The following CARD9 variants were observed in gnomAD, a reference collection of about 807,000 sequenced individuals.
CARD9 encodes the protein caspase recruitment domain family member 9.
Under a neutral mutation model 66.0 loss-of-function variants are expected in CARD9, and 53 were observed. That is an observed-to-expected ratio of 0.80 (90% confidence interval 0.64 to 1.01). The LOEUF (loss-of-function observed/expected upper bound fraction) is 1.01. CARD9 is among the 50% of genes least tolerant of loss of function. The pLI is 0.00. For missense variants in CARD9, 769 were observed against 743.2 expected, an observed-to-expected ratio of 1.03 and a Z score of -0.40; for synonymous variants, 387 against 313.8, an observed-to-expected ratio of 1.23 and a Z score of -2.47.
intron 11 of CARD9, 93 bp downstream of exon 11, chr9:136,365,048 C>A (rs1833086970): frequency 7.7e-7 from 1 of 1,303,172 alleles, no homozygotes. Context: ...TCGGGGCCAC[C>A]GCAGGGGGTG....
In CARD9 at chr9:136,369,783, C is replaced by A. The variant is rs1414081762; in HGVS notation, c.1044G>T (p.Leu348=). 11 of 1,610,598 alleles carry A rather than the reference C, an allele frequency of 6.8e-6. No individual in the cohort carries two copies. The highest frequency in any genetic ancestry group is 7.6e-6 in the Non-Finnish European group (9 of 1,179,180). ...MYKDRIEAIL[L]QMEEVAIERD... ...GCTCAATGGCGACCTCCTCCATCTG[C>A]AGCAGGATGGCCTCGATGCGGTCCT... Residue 348 remains leucine, a synonymous_variant, in exon 7 of 13, where the codon CTG becomes CTT. Coordinates refer to ENST00000371732, the MANE Select transcript of CARD9 (RefSeq NM_052813.5).
At chr9:136,365,550 C>G (rs1019994654) in intron 10 of CARD9, 1 of 408,032 alleles carries the variant, frequency 2.5e-6, no homozygotes, top group Non-Finnish European at 4.5e-6. Context: ...AGCACCGTCC[C>G]CCATCACTCC....
chr9:136,366,040 T>A (rs1025872550), intron 10 of CARD9: 1 of 152,622 alleles, frequency 6.6e-6, no homozygotes, highest in African/African-American at 2.4e-5. Flanking sequence ...CCCTTCCGCC[T>A]CTGCTTGGAG....
In CARD9 at chr9:136,364,465, TG is replaced by T; in HGVS notation, c.1511+17del. On this transcript the variant is annotated intron_variant, in intron 12 of 12. Transcript: ENST00000371732. ...CTCCCCAGCCCGTTTTGGAGAAGCC[TG>T]GGGGCCGCCCGCCTACCTGCGGTAG... The T allele has an allele frequency of 6.5e-7, 1 of 1,540,448 alleles. No homozygotes were observed. Among genetic ancestry groups the T allele is most frequent in the Non-Finnish European group, 8.7e-7 (1 of 1,146,866 alleles).
intron 5 of CARD9, 24 bp downstream of exon 5, chr9:136,370,498 C>T: frequency 2.5e-6 from 4 of 1,602,426 alleles, no homozygotes; most frequent in African/African-American, 2.7e-5. Flanking sequence ...GCCTGGGCTG[C>T]ACCTGCCCTG....
Position 136,364,079 on chromosome 9 carries a change from A to G in CARD9, c.*223T>C, listed in dbSNP as rs913773548. On this transcript the variant is annotated 3_prime_UTR_variant, in exon 13 of 13. Transcript: ENST00000371732. The stretch of plus-strand genomic sequence containing the variant: ...CTGAAGTTACACAGATGGCGTGTGC[A>G]TGGGGGTGGTGAGCACCCGCATGGC... The G allele has an allele frequency of 1.3e-6, 2 of 1,549,780 alleles. No individual in the cohort carries two copies. The highest frequency in any genetic ancestry group is 1.2e-5 in the South Asian group (1 of 84,050).
chr9:136,373,403 C>T lies in CARD9; in HGVS notation c.-17+129G>A, dbSNP rs182831845. ...CCAGGGGCCGTGAAAGGGACGGGGC[C>T]GCATGGCGGAGGCTGCCTGGCTGCC... is the stretch of plus-strand genomic sequence containing the variant. On this transcript the variant is annotated intron_variant, in intron 1 of 12. Transcript: ENST00000371732. 8.6e-5 allele frequency: 59 copies of T among 685,892 alleles called. No individual in the cohort carries two copies. In the African/African-American group the frequency reaches 9.8e-4, roughly 11 times the overall value. 42.5% of individuals were successfully genotyped at this position (685,892 alleles called of 1,614,324 possible).
rs1366525983 is a variant in CARD9, at chr9:136,371,310, C to G, written c.322+14G>C. 6.3e-7 allele frequency: 1 copy of G among 1,598,586 alleles called. No individual in the cohort carries two copies. The highest frequency in any genetic ancestry group is 1.7e-5 in the Admixed American group (1 of 58,150). On this transcript the variant is annotated intron_variant, in intron 3 of 12. Coordinates refer to ENST00000371732, the MANE Select transcript of CARD9 (RefSeq NM_052813.5). ...AGCGCCTCCCCTGTCGGCCCCGCCT[C>G]CCCCGTCACTCACCGATGATCATGG... is the stretch of plus-strand genomic sequence containing the variant.
intron 10 of CARD9, chr9:136,366,486 A>C: frequency 2.1e-6 from 1 of 472,140 alleles, no homozygotes; most frequent in African/African-American, 2.0e-5. Context: ...GGGGCTGCCC[A>C]GAGGGGCCCC....
rs528175383 is a variant in CARD9 at position 136,366,257 on chromosome 9, C to T, written c.1357+543G>A. 9.6e-5 allele frequency: 16 copies of T among 166,756 alleles called. No homozygotes were observed. In the South Asian group the frequency reaches 9.6e-4, roughly 10 times the overall value. The allele number at this position is 166,756 out of a possible 1,614,324, so 10.3% of individuals were successfully genotyped here. On this transcript the variant is annotated intron_variant, in intron 10 of 12. Coordinates refer to ENST00000371732, the MANE Select transcript of CARD9 (RefSeq NM_052813.5). ...ACAGGCAGAGGGGGCCTGCCCTGCC[C>T]GCTAGAAGCCCCTGCCACTGCCTTA...
chr9:136,370,801 A>G (rs1451111158), intron 4 of CARD9, 40 bp downstream of exon 4: 2 of 1,597,658 alleles, frequency 1.3e-6, no homozygotes, highest in African/African-American at 1.3e-5. Context: ...CCGCCAGGCC[A>G]GGCGAGGGTG....
In CARD9 at chr9:136,371,062, G is replaced by A. The variant is rs143393026; in HGVS notation, c.406C>T (p.Leu136=). 742 of 1,612,572 alleles carry A rather than the reference G, an allele frequency of 4.6e-4. No individual in the cohort carries two copies. Among genetic ancestry groups the A allele is most frequent in the Non-Finnish European group, 5.8e-4 (683 of 1,179,930 alleles). The change falls in exon 4 of 13, where the codon CTG becomes TTG. Residue 136 remains leucine (L), a synonymous_variant. Transcript: ENST00000371732. ...ATGAAGTCATCTTTGGAGCTCAGCA[G>A]CGCGGTCAGGTCCTGCACCTTCTTC... The part of the protein sequence containing the change: ...LQKKVQDLTA[L]LSSKDDFIKE...
chr9:136,371,594 G>T, intron 2 of CARD9, 133 bp from the exon 3 acceptor site: 1 of 1,382,368 alleles, frequency 7.2e-7, no homozygotes, highest in Non-Finnish European at 9.8e-7. Context: ...TCTTGGATGA[G>T]GTACCCTGCG....
At chr9:136,371,231 C>A (rs1833262017) in intron 3 of CARD9, 86 bp from the exon 4 acceptor site, 2 of 1,585,332 alleles carry the variant, frequency 1.3e-6, no homozygotes, top group Non-Finnish European at 1.7e-6. Context: ...GAGCTCAGGG[C>A]TCCTAGGGAT....
intron 10 of CARD9, chr9:136,366,315 G>C (rs1173127937): frequency 2.9e-4 from 54 of 185,990 alleles, no homozygotes; most frequent in Admixed American, 5.5e-5. Context: ...CAGGCCCTTG[G>C]CCACCCCTGC....
rs1266195975 is a variant in CARD9 at position 136,365,184 on chromosome 9, G to A, written c.1391C>T (p.Pro464Leu). 7 of 1,610,760 alleles carry A rather than the reference G, an allele frequency of 4.3e-6. No homozygotes were observed. Among genetic ancestry groups the A allele is most frequent in the Non-Finnish European group, 5.9e-6 (7 of 1,179,812 alleles). ...CLAGGGSPKQ[P>L]FAALHQEQVL... is the part of the protein sequence containing the mutation. ...CTGCTCCTGGTGCAGAGCTGCAAAG[G>A]GCTGTTTCGGGCTCCCCCCGCCGGC... Residue 464 changes from proline (P) to leucine (L), a missense_variant, in exon 11 of 13, where the codon CCC becomes CTC. Coordinates refer to ENST00000371732, the MANE Select transcript of CARD9 (RefSeq NM_052813.5).
At chr9:136,369,298 CAG>C (rs1040060334) in intron 7 of CARD9, among the ~76,000 whole-genome samples, 2 of 152,080 alleles carry the variant, frequency 1.3e-5, no homozygotes, top group East Asian at 3.8e-4. Context: ...TAAAACAAGA[CAG>C]AATGTTTCCA....
rs73670237 is a variant in CARD9 at position 136,368,448 on chromosome 9, C to T, written c.1078-620G>A. ...CCCCTGCCTTGGCGTGGGCCAGGCG[C>T]GAGTGAGGCTGAGGTGGGGCTGAGA... On this transcript the variant is annotated intron_variant, in intron 7 of 12. Transcript: ENST00000371732. 2.0e-5 allele frequency among the ~76,000 whole-genome samples: 3 copies of T among 152,364 alleles called. No homozygotes were observed. In the East Asian group the frequency reaches 5.8e-4, roughly 29 times the overall value.
In CARD9 at chr9:136,371,025, C is replaced by T. The variant is rs757627986; in HGVS notation, c.443G>A (p.Arg148Gln). The T allele has an allele frequency of 2.5e-5, 41 of 1,611,902 alleles. No individual in the cohort carries two copies. Among genetic ancestry groups the T allele is most frequent in the East Asian group, 4.5e-5 (2 of 44,838 alleles). Reference sequence around the variant, plus strand: ...CTTGCGCAGCAGGCTGTCCTTCACCCGCAGCTCCTTGATGAAGTCATCTTT... The same window carrying T: ...CTTGCGCAGCAGGCTGTCCTTCACCTGCAGCTCCTTGATGAAGTCATCTTT... The part of the protein sequence containing the change: ...SSKDDFIKEL[R>Q]VKDSLLRKHQ... Residue 148 changes from arginine (R) to glutamine (Q), a missense_variant, in exon 4 of 13, where the codon CGG becomes CAG. Arg to Gln is a conservative substitution (Grantham distance 43). Transcript: ENST00000371732.
Sources: gnomAD v4.1 joint callset for allele counts (sites outside exome capture counted in the v4.1 genomes callset) on GRCh38, gnomAD v4.1.1 for gene constraint, MANE v1.5 for transcripts, NCBI Gene and HGNC (gene_info 2026-07-23, HGNC 2026-07-21) for gene names.